The following MEMO1 variants were observed in gnomAD, a reference collection of about 807,000 sequenced individuals.
MEMO1 encodes mediator of cell motility 1.
A neutral mutation model predicts 45.2 loss-of-function variants in MEMO1; 6 were observed. The observed-to-expected ratio is 0.13, with a 90% CI of 0.07 to 0.26. MEMO1 has a LOEUF of 0.26. Among genes scored for constraint, MEMO1 ranks in the 10% least tolerant of loss-of-function variants. The pLI, the probability that MEMO1 is intolerant of heterozygous loss-of-function variation, is 1.00. For synonymous variants in MEMO1, 78 were observed against 124.3 expected (o/e 0.63, Z 2.48); for missense variants, 184 against 370.5 (o/e 0.50, Z 4.13).
intron 3 of MEMO1, among the ~76,000 whole-genome samples, chr2:31,940,274 CT>C (rs1665450160): frequency 6.6e-6 from 1 of 152,154 alleles, no homozygotes; most frequent in Non-Finnish European, 1.5e-5. Context: ...CTAATAAAGC[CT>C]TTATTTCTAT....
At chr2:31,998,813 AG>A in intron 2 of MEMO1, among the ~76,000 whole-genome samples, 1 of 152,178 alleles carries the variant, frequency 6.6e-6, no homozygotes, top group South Asian at 2.1e-4. Flanking sequence ...AAAAAAAAAA[AG>A]AAAAAATCAT....
At chr2:31,871,630 G>C (rs762561175) in intron 8 of MEMO1, among the ~76,000 whole-genome samples, 12 of 152,106 alleles carry the variant, frequency 7.9e-5, no homozygotes, top group Non-Finnish European at 1.6e-4. Flanking sequence ...ATGCTAAGTT[G>C]GTTGTCCCCT....
intron 3 of MEMO1, among the ~76,000 whole-genome samples, chr2:31,938,667 T>C (rs1665226339): frequency 6.6e-6 from 1 of 151,278 alleles, no homozygotes; most frequent in South Asian, 2.1e-4. Flanking sequence ...AAATAAAAAA[T>C]AAAAACTAAG....
chr2:31,956,160 T>G (rs1667388747), intron 2 of MEMO1, among the ~76,000 whole-genome samples: 1 of 152,184 alleles, frequency 6.6e-6, no homozygotes, highest in Admixed American at 6.5e-5. Context: ...GCATATTTCT[T>G]TTTTCTTCAT....
At chr2:31,958,517 C>A (rs1667653128) in intron 2 of MEMO1, among the ~76,000 whole-genome samples, 1 of 152,046 alleles carries the variant, frequency 6.6e-6, no homozygotes, top group African/African-American at 2.4e-5. Flanking sequence ...CCCCACAAAA[C>A]TTCTATTTAA....
intron 6 of MEMO1, among the ~76,000 whole-genome samples, chr2:31,893,887 T>C (rs1202170900): frequency 6.6e-6 from 1 of 152,196 alleles, no homozygotes; most frequent in Non-Finnish European, 1.5e-5. Context: ...CTATCCTCTG[T>C]AGAAACCTAG....
chr2:31,963,804 G>C (rs956083316), intron 2 of MEMO1, among the ~76,000 whole-genome samples: 2 of 152,170 alleles, frequency 1.3e-5, no homozygotes, highest in African/African-American at 4.8e-5. Flanking sequence ...AATCTGTGCT[G>C]TTCAATACAG....
intron 2 of MEMO1, among the ~76,000 whole-genome samples, chr2:31,948,760 G>T (rs371353377): frequency 6.6e-6 from 1 of 152,172 alleles, no homozygotes; most frequent in Non-Finnish European, 1.5e-5. Flanking sequence ...TTAGCCAGGC[G>T]TAGTGGTGCA....
At chr2:31,987,354 T>G (rs866508671) in intron 2 of MEMO1, among the ~76,000 whole-genome samples, 1 of 152,066 alleles carries the variant, frequency 6.6e-6, no homozygotes, top group African/African-American at 2.4e-5. Flanking sequence ...GACAAAAGAC[T>G]AGGAAGGATA....
chr2:32,001,354 T>G (rs910252490), intron 2 of MEMO1, among the ~76,000 whole-genome samples: 3 of 152,130 alleles, frequency 2.0e-5, no homozygotes, highest in African/African-American at 7.2e-5. Context: ...GCCATAAATT[T>G]TATTACGTCC....
chr2:31,968,776 ATT>A (rs937669706), intron 2 of MEMO1, among the ~76,000 whole-genome samples: 1 of 152,110 alleles, frequency 6.6e-6, no homozygotes, highest in Non-Finnish European at 1.5e-5. Context: ...CAAATTTGTC[ATT>A]GTTGTCCATC....
intron 6 of MEMO1, among the ~76,000 whole-genome samples, chr2:31,894,586 ATGTAC>A (rs1431238046): frequency 3.9e-5 from 6 of 152,120 alleles, no homozygotes; most frequent in African/African-American, 1.4e-4. Context: ...GGCTGCACGC[ATGTAC>A]AGGGGACTCC....
At chr2:31,935,812 T>C (rs1411063912) in intron 3 of MEMO1, among the ~76,000 whole-genome samples, 2 of 152,192 alleles carry the variant, frequency 1.3e-5, no homozygotes, top group Non-Finnish European at 2.9e-5. Flanking sequence ...CAAGAGATCA[T>C]TCATAATAAA....
In MEMO1 at chr2:31,868,840, G is replaced by A. The variant is rs543569375; in HGVS notation, c.763-348C>T. Among the ~76,000 whole-genome samples the A allele has an allele frequency of 3.8e-3, 581 of 151,994 alleles. 2 individuals are homozygous for A. Among genetic ancestry groups the A allele is most frequent in the African/African-American group, 0.013 (555 of 41,450 alleles). On this transcript the variant is annotated intron_variant, in intron 9 of 9. Coordinates refer to ENST00000404530, the MANE Select transcript of MEMO1 (RefSeq NM_001301833.4). Reference sequence around the variant, plus strand: ...CTGGCCACTTCTGTCTTAAGACGTCGGAGTCTTTATCTGACTTTGACTAAA... The same window carrying A: ...CTGGCCACTTCTGTCTTAAGACGTCAGAGTCTTTATCTGACTTTGACTAAA...
chr2:31,961,287 G>T (rs1182557969), intron 2 of MEMO1, among the ~76,000 whole-genome samples: 3 of 152,056 alleles, frequency 2.0e-5, no homozygotes, highest in Non-Finnish European at 2.9e-5. Context: ...GAACCTGGGA[G>T]GCAGAGGTTG....
intron 2 of MEMO1, among the ~76,000 whole-genome samples, chr2:31,960,409 C>T (rs565736386): frequency 6.6e-6 from 1 of 152,146 alleles, no homozygotes; most frequent in Non-Finnish European, 1.5e-5. Context: ...TATAGCCTTT[C>T]TAAACTATCC....
At chr2:31,930,061 A>G (rs1683720178) in intron 4 of MEMO1, among the ~76,000 whole-genome samples, 2 of 152,228 alleles carry the variant, frequency 1.3e-5, no homozygotes, top group Non-Finnish European at 2.9e-5. Flanking sequence ...GGAATTTGAA[A>G]CCAGCCTGGC....
chr2:31,911,334 C>T (rs1680540337), intron 6 of MEMO1, among the ~76,000 whole-genome samples: 2 of 152,126 alleles, frequency 1.3e-5, no homozygotes, highest in Admixed American at 1.3e-4. Context: ...TCTACTGAGA[C>T]AGTAAACTGA....
intron 2 of MEMO1, among the ~76,000 whole-genome samples, chr2:31,953,773 A>G (rs1457374073): frequency 1.3e-5 from 2 of 152,142 alleles, no homozygotes; most frequent in African/African-American, 4.8e-5. Context: ...TAAGATTTTG[A>G]TACATATATT....
Sources: gnomAD v4.1 joint callset for allele counts (sites outside exome capture counted in the v4.1 genomes callset) on GRCh38, gnomAD v4.1.1 for gene constraint, MANE v1.5 for transcripts, NCBI Gene and HGNC (gene_info 2026-07-23, HGNC 2026-07-21) for gene names.